The following PTPRK variants were observed in gnomAD, a reference collection of about 807,000 sequenced individuals.
PTPRK encodes the protein protein tyrosine phosphatase receptor type K.
PTPRK carries 75 observed loss-of-function variants against 178.0 expected under a neutral mutation model. The ratio of observed to expected loss-of-function variants is 0.42; its 90% CI spans 0.35 to 0.51. The LOEUF (loss-of-function observed/expected upper bound fraction) is 0.51. Among genes scored for constraint, PTPRK ranks in the 20% least tolerant of loss-of-function variants. The pLI is 0.02. For missense variants in PTPRK, 1,441 were observed against 1,797.8 expected, an observed-to-expected ratio of 0.80 and a Z score of 3.59; for synonymous variants, 637 against 620.6, an observed-to-expected ratio of 1.03 and a Z score of -0.39.
chr6:128,325,921 A>G (rs377243635), intron 2 of PTPRK, among the ~76,000 whole-genome samples: 1 of 152,184 alleles, frequency 6.6e-6, no homozygotes, highest in East Asian at 1.9e-4. Context: ...AACCAACCCA[A>G]ATGTCCATCA....
chr6:128,282,617 T>A (rs183584102), intron 3 of PTPRK, among the ~76,000 whole-genome samples: 32 of 152,366 alleles, frequency 2.1e-4, no homozygotes, highest in Admixed American at 2.0e-3. Context: ...GGATTCGGTT[T>A]ACATCAATCT....
At chr6:128,125,930 G>T in intron 7 of PTPRK, among the ~76,000 whole-genome samples, 1 of 151,928 alleles carries the variant, frequency 6.6e-6, no homozygotes, top group East Asian at 1.9e-4. Context: ...TTAAAAAATA[G>T]TTATATTATT....
In PTPRK at chr6:127,983,341, A is replaced by G. The variant is rs1462763126; in HGVS notation, c.3288T>C (p.Ile1096=). Residue 1096 remains isoleucine (I), a synonymous_variant, in exon 23 of 30, where the codon ATT becomes ATC. Coordinates refer to ENST00000368226, the MANE Select transcript of PTPRK (RefSeq NM_002844.4). ...GAGRTGCYIV[I]DIMLDMAERE... is the part of the protein sequence containing the mutation. ...TTTCAGCCATGTCTAGCATGATGTC[A>G]ATCACAATGTAGCAGCCAGTTCGTC... The G allele has an allele frequency of 2.5e-6, 4 of 1,613,666 alleles. No individual in the cohort carries two copies. In the African/African-American group the frequency reaches 5.3e-5, roughly 22 times the overall value.
intron 3 of PTPRK, among the ~76,000 whole-genome samples, chr6:128,250,718 C>T (rs1281356170): frequency 6.6e-6 from 1 of 152,140 alleles, no homozygotes; most frequent in Non-Finnish European, 1.5e-5. Context: ...TGCTGATAGG[C>T]CCCAGAAGAT....
intron 6 of PTPRK, among the ~76,000 whole-genome samples, chr6:128,189,632 A>C (rs1186302016): frequency 6.6e-6 from 1 of 152,162 alleles, no homozygotes; most frequent in African/African-American, 2.4e-5. Flanking sequence ...TAACACATTC[A>C]ACACTAGAAT....
intron 1 of PTPRK, among the ~76,000 whole-genome samples, chr6:128,486,933 C>G (rs999055465): frequency 6.6e-6 from 1 of 151,218 alleles, no homozygotes; most frequent in African/African-American, 2.4e-5. Context: ...TTGGTTGTGA[C>G]AGAAATTCAA....
chr6:128,391,992 A>G (rs963144649), intron 2 of PTPRK, among the ~76,000 whole-genome samples: 2 of 152,032 alleles, frequency 1.3e-5, no homozygotes, highest in Non-Finnish European at 2.9e-5. Flanking sequence ...AAATCATGTG[A>G]CCCATGCATG....
intron 5 of PTPRK, among the ~76,000 whole-genome samples, chr6:128,236,599 G>A (rs1475669470): frequency 3.3e-5 from 5 of 151,824 alleles, no homozygotes; most frequent in African/African-American, 4.8e-5. Context: ...CACCCACCTC[G>A]GCGTCCCAAA....
intron 7 of PTPRK, among the ~76,000 whole-genome samples, chr6:128,135,665 C>T (rs1201409370): frequency 1.3e-5 from 2 of 152,098 alleles, no homozygotes; most frequent in African/African-American, 4.8e-5. Context: ...AAATCCTGCA[C>T]TAGGATATCC....
At position 128,322,231 on chromosome 6, in the gene PTPRK, G is replaced by T; in HGVS notation, c.303C>A (p.Asn101Lys). The change falls in exon 3 of 30, where the codon AAC becomes AAA. Residue 101 changes from asparagine to lysine, a missense_variant. This residue lies in a region of PTPRK where 158 missense variants were observed against 188.0 expected (regional missense o/e 0.84). Transcript: ENST00000368226. ...ARLQLPTMKENDTHCIDFSYL... is the reference protein window; with the variant it reads ...ARLQLPTMKEKDTHCIDFSYL... ...AACTGAAATCAATGCAGTGAGTGTC[G>T]TTCTCCTTCATTGTAGGCAGCTGAA... 1 of 1,613,350 alleles carries T rather than the reference G, an allele frequency of 6.2e-7. No homozygotes were observed.
At position 127,998,831 on chromosome 6, in the gene PTPRK, T is replaced by C. The variant is rs1339758410; in HGVS notation, c.2568A>G (p.Glu856=). 6.2e-7 allele frequency: 1 copy of C among 1,609,796 alleles called. No individual in the cohort carries two copies. Among genetic ancestry groups the C allele is most frequent in the South Asian group, 1.1e-5 (1 of 90,560 alleles). The change falls in exon 16 of 30, where the codon GAA becomes GAG. Residue 856 remains glutamate (E), a synonymous_variant. Coordinates refer to ENST00000368226, the MANE Select transcript of PTPRK (RefSeq NM_002844.4). The part of the protein sequence containing the change: ...DVPRYLCEGT[E]SPYQTGQLHP... Reference sequence around the variant, plus strand: ...GCAGCTGTCCTGTCTGGTAAGGGGATTCCGTCCCCTCACAGAGGTAGCGAG... The same window carrying C: ...GCAGCTGTCCTGTCTGGTAAGGGGACTCCGTCCCCTCACAGAGGTAGCGAG...
chr6:128,026,021 T>TTTTTAGTAG (rs1774228346), intron 13 of PTPRK, among the ~76,000 whole-genome samples: 1 of 152,202 alleles, frequency 6.6e-6, no homozygotes, highest in Non-Finnish European at 1.5e-5. Flanking sequence ...AAAATCTATA[T>TTTTTAGTAG]GCTTTCCAAT....
intron 2 of PTPRK, among the ~76,000 whole-genome samples, chr6:128,379,249 T>C (rs1206563697): frequency 6.6e-6 from 1 of 152,080 alleles, no homozygotes; most frequent in Admixed American, 6.6e-5. Flanking sequence ...CCTAGAGTCA[T>C]GGGATAAAAT....
chr6:128,316,367 G>A (rs72969067), intron 3 of PTPRK, among the ~76,000 whole-genome samples: 8,451 of 152,076 alleles, frequency 0.056, 294 homozygotes, highest in Non-Finnish European at 0.07. Context: ...TCTCCTGACC[G>A]CTCATTATTT....
At chr6:128,465,462 C>T (rs913431699) in intron 1 of PTPRK, among the ~76,000 whole-genome samples, 2 of 151,900 alleles carry the variant, frequency 1.3e-5, no homozygotes, top group Non-Finnish European at 2.9e-5. Context: ...GTTCTAAGTA[C>T]AACCAAATCT....
chr6:128,466,494 A>G lies in PTPRK; in HGVS notation c.100+53765T>C, dbSNP rs548522142. ...ATGTACAAGAGCCTCCTACAGGTACAGGGTAACAACTGTAAGTAGATGCAT... is the reference window on the plus strand; with the variant it reads ...ATGTACAAGAGCCTCCTACAGGTACGGGGTAACAACTGTAAGTAGATGCAT... On this transcript the variant is annotated intron_variant, in intron 1 of 29. Transcript: ENST00000368226. Among the ~76,000 whole-genome samples, 34 of 152,338 alleles carry G rather than the reference A, an allele frequency of 2.2e-4. No individual in the cohort carries two copies. The South Asian group carries it at 6.8e-3, about 31-fold the overall frequency.
intron 2 of PTPRK, among the ~76,000 whole-genome samples, chr6:128,368,935 C>CA (rs969336451): frequency 6.8e-6 from 1 of 148,070 alleles, no homozygotes; most frequent in African/African-American, 2.5e-5. Flanking sequence ...CAAAACAAAA[C>CA]AAAAAACAAA....
At chr6:128,107,170 GTA>G (rs1789860989) in intron 7 of PTPRK, among the ~76,000 whole-genome samples, 1 of 151,848 alleles carries the variant, frequency 6.6e-6, no homozygotes, top group East Asian at 1.9e-4. Context: ...TAACTTGCTA[GTA>G]CATGTTTATC....
chr6:128,519,298 G>C lies in PTPRK; in HGVS notation c.100+961C>G, dbSNP rs913885208. Among the ~76,000 whole-genome samples, 2 of 152,220 alleles carry C rather than the reference G, an allele frequency of 1.3e-5. No individual in the cohort carries two copies. The highest frequency in any genetic ancestry group is 4.8e-5 in the African/African-American group (2 of 41,470). On this transcript the variant is annotated intron_variant, in intron 1 of 29. Transcript: ENST00000368226. The surrounding 1 kb of genome is among the most constrained non-coding windows in gnomAD (Gnocchi z 4.3). ...ACACGAAGGATAACAAAACTGGAGGGGAACAGAGGGCGGGACCGGGAGAGC... is the reference window on the plus strand; with the variant it reads ...ACACGAAGGATAACAAAACTGGAGGCGAACAGAGGGCGGGACCGGGAGAGC...
Sources: allele counts gnomAD v4.1 joint callset (sites outside exome capture counted in the v4.1 genomes callset), GRCh38; gene constraint gnomAD v4.1.1; regional missense constraint gnomAD v4.1.1; non-coding constraint Gnocchi (gnomAD v3.1); transcripts MANE v1.5; gene names NCBI Gene and HGNC (gene_info 2026-07-23, HGNC 2026-07-21).